OXR1: variants seen among roughly 807,000 people sequenced by gnomAD.
The protein encoded by OXR1 is oxidation resistance 1.
In OXR1, 41 loss-of-function variants were observed where a neutral mutation model predicts 104.6. The observed-to-expected ratio is 0.39, with a 90% CI of 0.31 to 0.51. OXR1 has a LOEUF of 0.51. Among genes scored for constraint, OXR1 ranks in the 20% least tolerant of loss-of-function variants. The pLI is 0.77. For missense variants in OXR1, 955 were observed against 1,031.9 expected (o/e 0.93, Z 1.02); for synonymous variants, 348 against 348.4 (o/e 1.00, Z 0.01).
intron 2 of OXR1, among the ~76,000 whole-genome samples, chr8:106,361,436 T>C (rs139248882): frequency 2.7e-3 from 408 of 152,298 alleles, no homozygotes; most frequent in African/African-American, 9.5e-3. Context: ...GTTTTACCAG[T>C]GTCACCCCCA....
intron 3 of OXR1, among the ~76,000 whole-genome samples, chr8:106,527,505 G>T (rs1813775551): frequency 6.6e-6 from 1 of 152,098 alleles, no homozygotes; most frequent in African/African-American, 2.4e-5. Context: ...AACTCTTTGT[G>T]GTTTCTCGAA....
intron 3 of OXR1, among the ~76,000 whole-genome samples, chr8:106,543,996 G>A (rs751790051): frequency 3.9e-5 from 6 of 151,946 alleles, no homozygotes; most frequent in Admixed American, 6.5e-5. Flanking sequence ...TAACTCTTTG[G>A]GTCATTGTGC....
At chr8:106,328,172 C>T (rs889515747) in intron 1 of OXR1, among the ~76,000 whole-genome samples, 1 of 152,156 alleles carries the variant, frequency 6.6e-6, no homozygotes, top group Non-Finnish European at 1.5e-5. Flanking sequence ...AGCTAACAAT[C>T]CAGTGTTTAT....
intron 2 of OXR1, among the ~76,000 whole-genome samples, chr8:106,480,313 A>G (rs1822036864): frequency 6.6e-6 from 1 of 151,956 alleles, no homozygotes; most frequent in Admixed American, 6.6e-5. Flanking sequence ...TAAAATTCAA[A>G]CCTATTATAG....
At chr8:106,648,140 T>C (rs2130989121) in intron 3 of OXR1, among the ~76,000 whole-genome samples, 1 of 152,340 alleles carries the variant, frequency 6.6e-6, no homozygotes, top group Middle Eastern at 3.4e-3. Flanking sequence ...TCAGGAAGTA[T>C]GCCAGGGGAT....
At chr8:106,659,188 G>A (rs2131074609) in intron 3 of OXR1, among the ~76,000 whole-genome samples, 1 of 152,218 alleles carries the variant, frequency 6.6e-6, no homozygotes, top group East Asian at 1.9e-4. Context: ...TTAACTCTTG[G>A]CCTCAAGTGA....
At chr8:106,371,228 C>T (rs1014947287) in intron 2 of OXR1, among the ~76,000 whole-genome samples, 3 of 152,008 alleles carry the variant, frequency 2.0e-5, no homozygotes, top group Non-Finnish European at 4.4e-5. Context: ...ATTTTTATTT[C>T]TGTGGGGTCA....
intron 11 of OXR1, among the ~76,000 whole-genome samples, chr8:106,735,260 G>A (rs2131545350): frequency 6.6e-6 from 1 of 150,910 alleles, no homozygotes; most frequent in Non-Finnish European, 1.5e-5. Flanking sequence ...ATCAGGGCAT[G>A]AGTAAATGTT....
At chr8:106,690,592 T>C (rs1829182609) in intron 6 of OXR1, among the ~76,000 whole-genome samples, 1 of 151,306 alleles carries the variant, frequency 6.6e-6, no homozygotes, top group African/African-American at 2.4e-5. Context: ...TTTTTTTTCC[T>C]AGATTCCAGA....
rs1248408060 is a variant in OXR1, at chr8:106,531,893, G to GT, written c.220+12754_220+12755insT. ...TAGTGAGTGGGATGGAATGGGGATAGCCAAAAAGATGCACTTAAGGAAAAG... is the reference window on the plus strand; with the variant it reads ...TAGTGAGTGGGATGGAATGGGGATAGTCCAAAAAGATGCACTTAAGGAAAAG... On this transcript the variant is annotated intron_variant, in intron 3 of 16. Transcript: ENST00000517566. 1.2e-4 allele frequency among the ~76,000 whole-genome samples: 18 copies of GT among 152,262 alleles called. 1 individual carries two copies. The highest frequency in any genetic ancestry group is 3.4e-4 in the African/African-American group (14 of 41,560).
chr8:106,606,834 T>G (rs995807186), intron 3 of OXR1, among the ~76,000 whole-genome samples: 1 of 152,188 alleles, frequency 6.6e-6, no homozygotes, highest in East Asian at 1.9e-4. Flanking sequence ...GTCATCATTC[T>G]GCCTACCTTG....
intron 16 of OXR1, among the ~76,000 whole-genome samples, chr8:106,750,158 A>AC (rs889394106): frequency 3.2e-4 from 18 of 55,752 alleles, no homozygotes; most frequent in South Asian, 2.2e-3. Context: ...ACACATACAC[A>AC]AAAAAAAAAC....
intron 16 of OXR1, 80 bp from the exon 17 acceptor site, chr8:106,750,726 G>T (rs531354730): frequency 1.0e-6 from 1 of 971,720 alleles, no homozygotes. Flanking sequence ...CTTTAGGGTT[G>T]TTAGGTATTC....
At chr8:106,432,148 C>A (rs1367574141) in intron 2 of OXR1, among the ~76,000 whole-genome samples, 2 of 152,160 alleles carry the variant, frequency 1.3e-5, no homozygotes, top group African/African-American at 4.8e-5. Flanking sequence ...CTAGTGCATC[C>A]CCGATCTTTT....
At chr8:106,365,788 C>G (rs1816447007) in intron 2 of OXR1, among the ~76,000 whole-genome samples, 1 of 152,154 alleles carries the variant, frequency 6.6e-6, no homozygotes, top group Non-Finnish European at 1.5e-5. Flanking sequence ...GTATCTCCCT[C>G]AAATTATTTC....
intron 2 of OXR1, among the ~76,000 whole-genome samples, chr8:106,435,880 G>T (rs947913880): frequency 6.6e-6 from 1 of 152,074 alleles, no homozygotes; most frequent in Non-Finnish European, 1.5e-5. Flanking sequence ...ATTGGATGTT[G>T]TTGGTCATAC....
At chr8:106,594,632 A>G (rs1819371688) in intron 3 of OXR1, among the ~76,000 whole-genome samples, 1 of 152,218 alleles carries the variant, frequency 6.6e-6, no homozygotes, top group African/African-American at 2.4e-5. Flanking sequence ...AGTTGAAAAT[A>G]AAGTTTTGGC....
chr8:106,528,666 TA>T (rs1813868587), intron 3 of OXR1, among the ~76,000 whole-genome samples: 1 of 152,104 alleles, frequency 6.6e-6, no homozygotes, highest in African/African-American at 2.4e-5. Context: ...TCTCATTTAA[TA>T]AAAAAGATAA....
chr8:106,748,554 C>CTTT (rs71307088), intron 16 of OXR1, among the ~76,000 whole-genome samples: 6 of 48,924 alleles, frequency 1.2e-4, no homozygotes, highest in East Asian at 5.7e-4. Context: ...AGTACCAACT[C>CTTT]TTTTTTTTTT....
Sources: gnomAD v4.1 joint callset for allele counts (sites outside exome capture counted in the v4.1 genomes callset) on GRCh38, gnomAD v4.1.1 for gene constraint, MANE v1.5 for transcripts, NCBI Gene and HGNC (gene_info 2026-07-23, HGNC 2026-07-21) for gene names.